PTPN18: variants seen among roughly 807,000 people sequenced by gnomAD.
The protein encoded by PTPN18 is tyrosine-protein phosphatase non-receptor type 18.
Under a neutral mutation model 65.4 loss-of-function variants are expected in PTPN18, and 65 were observed. The ratio of observed to expected loss-of-function variants is 0.99; its 90% CI spans 0.81 to 1.22. The LOEUF (loss-of-function observed/expected upper bound fraction) is 1.22, where lower values mean the gene tolerates loss of function less well. Ranked by LOEUF, PTPN18 falls within the 50% of genes most tolerant of loss-of-function variation. The pLI is 0.00. For synonymous variants in PTPN18, 255 were observed against 267.8 expected (o/e 0.95, Z 0.47); for missense variants, 616 against 646.5 (o/e 0.95, Z 0.51).
intron 12 of PTPN18, chr2:130,371,969 C>G (rs1449824790): frequency 5.1e-6 from 2 of 395,572 alleles, no homozygotes; most frequent in African/African-American, 4.2e-5. Context: ...TTCTATGCCA[C>G]TTCCGCATTC....
chr2:130,357,046 C>T (rs1176763936), intron 1 of PTPN18, among the ~76,000 whole-genome samples: 3 of 152,206 alleles, frequency 2.0e-5, no homozygotes, highest in East Asian at 3.9e-4. Flanking sequence ...CAAAAATCAA[C>T]TGGGCATGGG....
At position 130,373,296 on chromosome 2, in the gene PTPN18, G is replaced by A. The variant is rs1345639343; in HGVS notation, c.*72G>A. 4.3e-6 allele frequency: 6 copies of A among 1,393,836 alleles called. No homozygotes were observed. The highest frequency in any genetic ancestry group is 2.7e-5 in the Admixed American group (1 of 36,668). 86.3% of individuals were successfully genotyped at this position (1,393,836 alleles called of 1,614,324 possible). A position where few individuals can be genotyped will look rare whatever the true frequency, so the allele number is the denominator to read the frequency against. On this transcript the variant is annotated 3_prime_UTR_variant, in exon 15 of 15. Transcript: ENST00000175756. This position sits in a 1 kb window ranked among gnomAD's most constrained non-coding sequence, Gnocchi z 4.1. ...TGATGCCCCGGTGCTGCTGAGCGCC[G>A]TGCGCAGAATGGAAACAGTGGGCCT...
At chr2:130,371,555 C>T (rs1680566108) in intron 12 of PTPN18, among the ~76,000 whole-genome samples, 1 of 152,206 alleles carries the variant, frequency 6.6e-6, no homozygotes, top group South Asian at 2.1e-4. Flanking sequence ...AGGTGGCTCA[C>T]CCCTGTAATC....
In PTPN18 at chr2:130,356,147, C is replaced by G; in HGVS notation, c.40C>G (p.Arg14Gly). 5 of 1,311,608 alleles carry G rather than the reference C, an allele frequency of 3.8e-6. No homozygotes were observed. The highest frequency in any genetic ancestry group is 4.8e-6 in the Non-Finnish European group (5 of 1,034,366). 81.2% of individuals were successfully genotyped at this position (1,311,608 alleles called of 1,614,324 possible). A position where few individuals can be genotyped will look rare whatever the true frequency, so the allele number is the denominator to read the frequency against. The change falls in exon 1 of 15, where the codon CGG becomes GGG. Residue 14 changes from arginine to glycine, a missense_variant. Physicochemically the swap from Arg to Gly is moderately radical, Grantham distance 125 (BLOSUM62 -2). Coordinates refer to ENST00000175756, the MANE Select transcript of PTPN18 (RefSeq NM_014369.4). ...GGACTCGGCGCGGAGCTTCCTGGAG[C>G]GGCTGGAAGCGCGGGGCGGCCGGGA... ...SLDSARSFLE[R>G]LEARGGREGA...
intron 5 of PTPN18, among the ~76,000 whole-genome samples, chr2:130,361,599 G>GT (rs1680218761): frequency 1.1e-5 from 1 of 87,638 alleles, no homozygotes; most frequent in Non-Finnish European, 2.2e-5. Flanking sequence ...CTTTCTTTCT[G>GT]TTTTTTTGAG....
intron 13 of PTPN18, 167 bp downstream of exon 13, chr2:130,372,650 G>C: frequency 9.6e-7 from 1 of 1,040,160 alleles, no homozygotes; most frequent in South Asian, 1.7e-5. Context: ...CCCCGGAAGC[G>C]CCCCCTGGCG....
chr2:130,372,976 G>C, intron 14 of PTPN18, 29 bp downstream of exon 14: 3 of 1,613,276 alleles, frequency 1.9e-6, no homozygotes, highest in Non-Finnish European at 1.7e-6. Context: ...GGGTTGCTGG[G>C]ACTTTGCTGC....
Position 130,372,357 on chromosome 2 carries a change from ACGGGG to A in PTPN18, c.1115_1119del (p.Thr372AsnfsTer44). On this transcript the variant is annotated frameshift_variant, in exon 13 of 15. Transcript: ENST00000175756. LOFTEE classifies it high-confidence loss of function. ...AGCGGGCGCCGGGAGTGGGACGCAG[ACGGGG>A]ACGGGGACGGGGACGGGGGCGCGCA... 2 of 845,792 alleles carry A rather than the reference ACGGGG, an allele frequency of 2.4e-6. No homozygotes were observed. Among genetic ancestry groups the A allele is most frequent in the South Asian group, 4.8e-5 (2 of 41,246 alleles). 52.4% of individuals were successfully genotyped at this position (845,792 alleles called of 1,614,324 possible).
At chr2:130,361,962 G>A (rs1421212964) in intron 5 of PTPN18, among the ~76,000 whole-genome samples, 1 of 151,030 alleles carries the variant, frequency 6.6e-6, no homozygotes, top group Admixed American at 6.6e-5. Context: ...TTATTTTTTA[G>A]TGTGTTTCTT....
In PTPN18 at chr2:130,370,700, C is replaced by T; in HGVS notation, c.757-5C>T. On this transcript the variant is annotated splice_polypyrimidine_tract_variant and splice_region_variant and intron_variant, in intron 9 of 14. Transcript: ENST00000175756. ...CTGCTCAAGTGCCTTGTCTGTCTGC[C>T]CCAGATGATCCCACCTGACTTCAGT... The T allele has an allele frequency of 6.2e-7, 1 of 1,614,132 alleles. No individual in the cohort carries two copies. The highest frequency in any genetic ancestry group is 8.5e-7 in the Non-Finnish European group (1 of 1,179,994).
Position 130,372,337 on chromosome 2 carries a change from G to A in PTPN18, c.1094G>A (p.Gly365Asp), listed in dbSNP as rs1573867796. The change falls in exon 13 of 15, where the codon GGC becomes GAC. Residue 365 changes from glycine to aspartate, a missense_variant. Physicochemically the swap from Gly to Asp is moderately conservative, Grantham distance 94. This residue lies in a region of PTPN18 where 368 missense variants were observed against 386.7 expected (regional missense o/e 0.95). Coordinates refer to ENST00000175756, the MANE Select transcript of PTPN18 (RefSeq NM_014369.4). ...AVVQKRGAPA[G>D]AGSGTQTGTG... Reference sequence around the variant, plus strand: ...GTGCAGAAGCGCGGGGCTCCAGCGGGCGCCGGGAGTGGGACGCAGACGGGG... The same window carrying A: ...GTGCAGAAGCGCGGGGCTCCAGCGGACGCCGGGAGTGGGACGCAGACGGGG... 7.0e-7 allele frequency: 1 copy of A among 1,420,936 alleles called. No individual in the cohort carries two copies. 88.0% of individuals were successfully genotyped at this position (1,420,936 alleles called of 1,614,324 possible).
chr2:130,372,110 A>T, intron 12 of PTPN18, 147 bp from the exon 13 acceptor site: 1 of 684,392 alleles, frequency 1.5e-6, no homozygotes, highest in South Asian at 1.9e-5. Flanking sequence ...CACAGAAGCG[A>T]GGCCTCCAAC....
rs1047901836 is a variant in PTPN18 at position 130,371,025 on chromosome 2, C to T, written c.924+61C>T. ...TCAGCACCCTCAGAGACCAGGACCC[C>T]GAGCAGGGTCCAGCCCCCGGGACTA... On this transcript the variant is annotated intron_variant, in intron 11 of 14. Transcript: ENST00000175756. 1.8e-4 allele frequency: 276 copies of T among 1,544,548 alleles called. 1 individual carries two copies. Among genetic ancestry groups the T allele is most frequent in the Non-Finnish European group, 2.3e-4 (264 of 1,124,664 alleles).
intron 5 of PTPN18, among the ~76,000 whole-genome samples, chr2:130,363,685 A>G (rs919252481): frequency 2.6e-5 from 4 of 152,012 alleles, no homozygotes; most frequent in Admixed American, 6.6e-5. Flanking sequence ...CATTTTACTT[A>G]TTGGTTGACA....
chr2:130,366,315 C>G (rs1374901775), intron 5 of PTPN18, among the ~76,000 whole-genome samples: 1 of 152,206 alleles, frequency 6.6e-6, no homozygotes, highest in Non-Finnish European at 1.5e-5. Flanking sequence ...AAATCCTGGG[C>G]ACTGAGTTTC....
At chr2:130,372,843 G>A (rs1361135398) in intron 13 of PTPN18, 30 bp from the exon 14 acceptor site, 10 of 1,612,996 alleles carry the variant, frequency 6.2e-6, no homozygotes, top group Non-Finnish European at 8.5e-6. Flanking sequence ...GGCTTCCGGA[G>A]CTGACCCGTG....
Position 130,371,201 on chromosome 2 carries a change from T to A in PTPN18, c.927T>A (p.Asn309Lys). Residue 309 changes from asparagine to lysine, a missense_variant and splice_region_variant, in exon 12 of 15, where the codon AAT becomes AAA. Coordinates refer to ENST00000175756, the MANE Select transcript of PTPN18 (RefSeq NM_014369.4). ...ASPHYQNIKE[N>K]CAPLYDDALF... ...CCTCCCCTCCTGTTTTTCTTCAGAA[T>A]TGTGCCCCACTCTACGACGATGCCC... The A allele has an allele frequency of 6.2e-7, 1 of 1,605,600 alleles. No individual in the cohort carries two copies. Among genetic ancestry groups the A allele is most frequent in the Non-Finnish European group, 8.5e-7 (1 of 1,173,996 alleles).
intron 1 of PTPN18, among the ~76,000 whole-genome samples, chr2:130,357,103 G>T (rs904739485): frequency 6.6e-6 from 1 of 152,200 alleles, no homozygotes; most frequent in African/African-American, 2.4e-5. Flanking sequence ...CAGGGGACTC[G>T]CTTGAACCTG....
Position 130,372,335 on chromosome 2 carries a change from G to A in PTPN18, c.1092G>A (p.Ala364=). 3 of 1,424,804 alleles carry A rather than the reference G, an allele frequency of 2.1e-6. No homozygotes were observed. Among genetic ancestry groups the A allele is most frequent in the Non-Finnish European group, 2.7e-6 (3 of 1,098,260 alleles). 88.3% of individuals were successfully genotyped at this position (1,424,804 alleles called of 1,614,324 possible). A position where few individuals can be genotyped will look rare whatever the true frequency, so the allele number is the denominator to read the frequency against. Residue 364 remains alanine, a synonymous_variant, in exon 13 of 15, where the codon GCG becomes GCA. Transcript: ENST00000175756. ...TGGTGCAGAAGCGCGGGGCTCCAGC[G>A]GGCGCCGGGAGTGGGACGCAGACGG... ...YAVVQKRGAP[A]GAGSGTQTGT... is the part of the protein sequence containing the mutation.
Sources: allele counts gnomAD v4.1 joint callset (sites outside exome capture counted in the v4.1 genomes callset), GRCh38; gene constraint gnomAD v4.1.1; regional missense constraint gnomAD v4.1.1; non-coding constraint Gnocchi (gnomAD v3.1); transcripts MANE v1.5; gene names NCBI Gene and HGNC (gene_info 2026-07-23, HGNC 2026-07-21).